OR1J2: variants seen among roughly 807,000 people sequenced by gnomAD.
The protein encoded by OR1J2 is olfactory receptor family 1 subfamily J member 2, also known as olfactory receptor 1J2.
For missense variants in OR1J2, 304 were observed against 246.1 expected, an observed-to-expected ratio of 1.24 and a Z score of -1.57; for synonymous variants, 142 against 99.7, an observed-to-expected ratio of 1.42 and a Z score of -2.52.
the OR1J2 span, chr9:122,567,488 A>G: frequency 7.9e-7 from 1 of 1,268,096 alleles, no homozygotes; most frequent in Non-Finnish European, 1.1e-6. Flanking sequence ...ACCAGAAACC[A>G]GTAGAAAACA....
At chr9:122,558,480 T>G in the OR1J2 span, among the ~76,000 whole-genome samples, 2 of 151,812 alleles carry the variant, frequency 1.3e-5, no homozygotes, top group African/African-American at 4.8e-5. Context: ...TGGGCTAAAG[T>G]GGCTTTGAGT....
the OR1J2 span, among the ~76,000 whole-genome samples, chr9:122,560,879 G>C: frequency 6.6e-6 from 1 of 152,116 alleles, no homozygotes; most frequent in Admixed American, 6.5e-5. Context: ...GGTCTGTCTT[G>C]CTAGGTTGGG....
the OR1J2 span, among the ~76,000 whole-genome samples, chr9:122,450,422 C>T: frequency 2.0e-5 from 3 of 152,146 alleles, no homozygotes; most frequent in South Asian, 6.2e-4. Context: ...CAGAGCAAGA[C>T]ACTGTCTCAA....
chr9:122,541,810 A>T, the OR1J2 span, among the ~76,000 whole-genome samples: 2 of 152,230 alleles, frequency 1.3e-5, no homozygotes, highest in Non-Finnish European at 2.9e-5. Context: ...ATCTACAAGC[A>T]CAGAGCTTCC....
At chr9:122,449,958 A>T in the OR1J2 span, among the ~76,000 whole-genome samples, 1 of 152,196 alleles carries the variant, frequency 6.6e-6, no homozygotes, top group Admixed American at 6.5e-5. Flanking sequence ...GACTTTTGTC[A>T]ATACTTCTTT....
chr9:122,571,119 C>T, the OR1J2 span, among the ~76,000 whole-genome samples: 1 of 152,196 alleles, frequency 6.6e-6, no homozygotes, highest in Non-Finnish European at 1.5e-5. Context: ...AAATACACAA[C>T]TGACAAACTT....
At chr9:122,540,324 T>C in the OR1J2 span, among the ~76,000 whole-genome samples, 1 of 152,244 alleles carries the variant, frequency 6.6e-6, no homozygotes, top group African/African-American at 2.4e-5. Flanking sequence ...AGTTTCAGCT[T>C]TCTACATATG....
the OR1J2 span, among the ~76,000 whole-genome samples, chr9:122,543,767 C>G: frequency 6.6e-6 from 1 of 152,144 alleles, no homozygotes; most frequent in African/African-American, 2.4e-5. Context: ...AACCAGAGAT[C>G]TGATTAAACA....
chr9:122,539,383 T>G, the OR1J2 span, among the ~76,000 whole-genome samples: 67,277 of 151,666 alleles, frequency 0.44, 16,088 homozygotes, highest in East Asian at 0.87. Context: ...TTTGTCCTTG[T>G]GATAGTTTGC....
chr9:122,459,487 C>T, the OR1J2 span, among the ~76,000 whole-genome samples: 1 of 152,184 alleles, frequency 6.6e-6, no homozygotes, highest in Non-Finnish European at 1.5e-5. Flanking sequence ...CCAGTGATGA[C>T]TCTAGCTTTG....
At chr9:122,550,277 A>G in the OR1J2 span, among the ~76,000 whole-genome samples, 1 of 152,148 alleles carries the variant, frequency 6.6e-6, no homozygotes, top group Non-Finnish European at 1.5e-5. Context: ...AACAACAACA[A>G]AAAGCCCAGG....
the OR1J2 span, chr9:122,526,471 T>C: frequency 4.0e-5 from 62 of 1,566,328 alleles, no homozygotes; most frequent in South Asian, 7.1e-4. Flanking sequence ...ATGGTGTACA[T>C]TGCAGCTGCT....
chr9:122,567,536 A>G, the OR1J2 span: 2 of 1,540,936 alleles, frequency 1.3e-6, no homozygotes, highest in South Asian at 1.3e-5. Flanking sequence ...GAGTTTTTCA[A>G]GAGGGTGCTT....
downstream of OR1J2, among the ~76,000 whole-genome samples, chr9:122,516,087 G>A (rs1245634804): frequency 1.3e-5 from 2 of 152,020 alleles, no homozygotes; most frequent in African/African-American, 4.8e-5. Context: ...CAATTCTAGA[G>A]AGGAAAAGCT....
At chr9:122,564,921 A>G in the OR1J2 span, among the ~76,000 whole-genome samples, 2 of 152,162 alleles carry the variant, frequency 1.3e-5, no homozygotes, top group Non-Finnish European at 1.5e-5. Flanking sequence ...AAGATGCCAC[A>G]CTGGTCCATT....
At chr9:122,542,679 G>C in the OR1J2 span, among the ~76,000 whole-genome samples, 1 of 151,562 alleles carries the variant, frequency 6.6e-6, no homozygotes, top group Admixed American at 6.6e-5. Flanking sequence ...AACTTTATTG[G>C]GGTATTATTT....
chr9:122,485,678 C>G, the OR1J2 span, among the ~76,000 whole-genome samples: 3 of 152,178 alleles, frequency 2.0e-5, no homozygotes, highest in African/African-American at 7.2e-5. Context: ...CACTCTAACT[C>G]AGATAGAATG....
At chr9:122,461,046 TATC>T in the OR1J2 span, among the ~76,000 whole-genome samples, 2 of 152,170 alleles carry the variant, frequency 1.3e-5, no homozygotes, top group African/African-American at 2.4e-5. Flanking sequence ...TATACAATCA[TATC>T]ATCAGCAAAC....
chr9:122,523,733 T>C, the OR1J2 span, among the ~76,000 whole-genome samples: 1 of 152,110 alleles, frequency 6.6e-6, no homozygotes, highest in Non-Finnish European at 1.5e-5. Flanking sequence ...CTTAAATAAT[T>C]TTGATTAGGT....
Sources: gnomAD v4.1 joint callset for allele counts (sites outside exome capture counted in the v4.1 genomes callset) on GRCh38, gnomAD v4.1.1 for gene constraint, MANE v1.5 for transcripts, NCBI Gene and HGNC (gene_info 2026-07-23, HGNC 2026-07-21) for gene names.